Variants in NPHP1 observed in about 807,000 individuals in gnomAD.
NPHP1 encodes the protein nephrocystin 1, also known as nephrocystin-1.
A neutral mutation model predicts 90.4 loss-of-function variants in NPHP1; 70 were observed. The observed-to-expected ratio is 0.77, with a 90% CI of 0.64 to 0.95. NPHP1 has a LOEUF of 0.95. NPHP1 is among the 40% of genes least tolerant of loss of function. The pLI is 0.00. For synonymous variants in NPHP1, 256 were observed against 271.7 expected (o/e 0.94, Z 0.57); for missense variants, 764 against 795.9 (o/e 0.96, Z 0.48).
Position 110,193,303 on chromosome 2 carries a change from T to C in NPHP1, c.143+8118A>G, listed in dbSNP as rs1341655582. Among the ~76,000 whole-genome samples the C allele has an allele frequency of 9.2e-5, 14 of 152,032 alleles. 1 individual carries two copies. Among genetic ancestry groups the C allele is most frequent in the African/African-American group, 3.4e-4 (14 of 41,450 alleles). ...CACACATAGGCTCAAAATAAAGGGA[T>C]GGAGGAAGATCTACCAAGCAAATGG... is the stretch of plus-strand genomic sequence containing the variant. On this transcript the variant is annotated intron_variant, in intron 2 of 19. Transcript: ENST00000445609.
chr2:110,164,449 T>A (rs1470494965), intron 8 of NPHP1: 4 of 787,774 alleles, frequency 5.1e-6, no homozygotes, highest in Non-Finnish European at 6.7e-6. Flanking sequence ...TGTTTCCAAG[T>A]CCTCAAGTGA....
intron 10 of NPHP1, 108 bp downstream of exon 10, chr2:110,161,494 AT>A (rs1271884593): frequency 8.2e-6 from 6 of 727,350 alleles, no homozygotes; most frequent in Admixed American, 2.5e-5. Flanking sequence ...ATCATAAACA[AT>A]TTTTTTGTTT....
chr2:110,125,832 T>C (rs1301649909), intron 18 of NPHP1, 151 bp from the exon 19 acceptor site: 7 of 707,642 alleles, frequency 9.9e-6, no homozygotes, highest in Non-Finnish European at 1.8e-5. Context: ...TAATTAGGAA[T>C]CTATTGCAAA....
At chr2:110,201,638 C>A (rs1685584328) in intron 1 of NPHP1, 144 bp from the exon 2 acceptor site, 1 of 635,528 alleles carries the variant, frequency 1.6e-6, no homozygotes, top group East Asian at 2.7e-5. Context: ...AACCCATATA[C>A]CCGCTACCTA....
At chr2:110,139,483 C>A (rs1321389913) in intron 16 of NPHP1, among the ~76,000 whole-genome samples, 2 of 152,190 alleles carry the variant, frequency 1.3e-5, no homozygotes, top group East Asian at 1.9e-4. Context: ...AAGAAGACTG[C>A]CAAGCCCCGT....
chr2:110,161,557 CA>C, intron 10 of NPHP1, 45 bp downstream of exon 10: 1 of 1,280,000 alleles, frequency 7.8e-7, no homozygotes, highest in South Asian at 1.3e-5. Flanking sequence ...GCAACTATGA[CA>C]AAATCTGGAA....
rs1022612512 is a variant in NPHP1, at chr2:110,194,183, CA to C, written c.143+7237del. 4.6e-5 allele frequency among the ~76,000 whole-genome samples: 7 copies of C among 151,398 alleles called. 1 individual carries two copies. Among genetic ancestry groups the C allele is most frequent in the Admixed American group, 1.3e-4 (2 of 15,198 alleles). On this transcript the variant is annotated intron_variant, in intron 2 of 19. Transcript: ENST00000445609. ...AGAGCAGAACTGAAGGAGATAGAGA[CA>C]AAAAAACCCTTCAAAAAATTAATGA...
At chr2:110,124,178 G>A in intron 19 of NPHP1, 115 bp from the exon 20 acceptor site, 1 of 1,149,142 alleles carries the variant, frequency 8.7e-7, no homozygotes, top group Non-Finnish European at 1.3e-6. Flanking sequence ...ATTAGTGCCT[G>A]GCAGGTATCG....
rs745657805 is a variant in NPHP1, at chr2:110,147,894, C to T, written c.1269+22G>A. ...CCCTTTTAACTGATACATTAGAAAGCCTTATCTTTCAACGGACATACATTG... is the reference window on the plus strand; with the variant it reads ...CCCTTTTAACTGATACATTAGAAAGTCTTATCTTTCAACGGACATACATTG... On this transcript the variant is annotated intron_variant, in intron 13 of 19. Transcript: ENST00000445609. 61 of 1,320,348 alleles carry T rather than the reference C, an allele frequency of 4.6e-5. No homozygotes were observed. Among genetic ancestry groups the T allele is most frequent in the Non-Finnish European group, 6.6e-5 (60 of 911,762 alleles). 81.8% of individuals were successfully genotyped at this position (1,320,348 alleles called of 1,614,324 possible). A position where few individuals can be genotyped will look rare whatever the true frequency, so the allele number is the denominator to read the frequency against.
chr2:110,156,919 G>A (rs959035729), intron 11 of NPHP1, among the ~76,000 whole-genome samples: 9 of 151,924 alleles, frequency 5.9e-5, no homozygotes, highest in Non-Finnish European at 1.5e-5. Context: ...TGGGACTACA[G>A]GCACACGCCA....
intron 2 of NPHP1, among the ~76,000 whole-genome samples, chr2:110,198,799 CTCTCTA>C (rs1384847455): frequency 4.1e-5 from 3 of 72,872 alleles, no homozygotes; most frequent in South Asian, 1.7e-3. Context: ...GGAAGGACCC[CTCTCTA>C]TCTAACAGTA....
chr2:110,202,798 A>T (rs529855443), intron 1 of NPHP1, among the ~76,000 whole-genome samples: 1 of 152,308 alleles, frequency 6.6e-6, no homozygotes, highest in Non-Finnish European at 1.5e-5. Flanking sequence ...CTGACAAGAA[A>T]AGAGTACACA....
At position 110,168,501 on chromosome 2, in the gene NPHP1, GCTATCCA is replaced by G; in HGVS notation, c.568_574del (p.Trp190LeufsTer16). 1 of 1,613,126 alleles carries G rather than the reference GCTATCCA, an allele frequency of 6.2e-7. No homozygotes were observed. On this transcript the variant is annotated frameshift_variant, in exon 6 of 20. Transcript: ENST00000445609. LOFTEE classifies it high-confidence loss of function. The stretch of plus-strand genomic sequence containing the variant: ...ACCTTCATTTCCTTTGGCATCCTTA[GCTATCCA>G]CCAACCATCAGGTTTTTTTTCAATT...
chr2:110,128,600 T>C (rs1679539493), intron 18 of NPHP1: 1 of 154,092 alleles, frequency 6.5e-6, no homozygotes, highest in South Asian at 2.0e-4. Flanking sequence ...TGCTGCCTTC[T>C]TTAAATCTTC....
intron 3 of NPHP1, among the ~76,000 whole-genome samples, chr2:110,179,161 A>T (rs1463353516): frequency 6.6e-6 from 1 of 151,658 alleles, no homozygotes; most frequent in African/African-American, 2.4e-5. Context: ...AAAAAAAAAA[A>T]AAATCCTGAA....
At chr2:110,157,961 T>C (rs1306982583) in intron 11 of NPHP1, among the ~76,000 whole-genome samples, 1 of 152,180 alleles carries the variant, frequency 6.6e-6, no homozygotes, top group African/African-American at 2.4e-5. Flanking sequence ...CTCTAAGCAA[T>C]GCTTTAGCTA....
chr2:110,129,425 C>T (rs1403862196), intron 17 of NPHP1, among the ~76,000 whole-genome samples, 166 bp from the exon 18 acceptor site: 1 of 152,214 alleles, frequency 6.6e-6, no homozygotes, highest in Non-Finnish European at 1.5e-5. Flanking sequence ...TCCCTTCAAC[C>T]TTCATTTGCC....
intron 2 of NPHP1, among the ~76,000 whole-genome samples, chr2:110,195,784 T>C (rs1403932829): frequency 2.6e-5 from 4 of 152,214 alleles, no homozygotes; most frequent in Admixed American, 2.0e-4. Context: ...CAAAACAGCA[T>C]GGTACTGGTA....
intron 12 of NPHP1, 124 bp downstream of exon 12, chr2:110,150,058 C>T: frequency 1.2e-6 from 1 of 841,458 alleles, no homozygotes; most frequent in Non-Finnish European, 2.0e-6. Context: ...TATCAATGTC[C>T]TCAAAGAACA....
Sources: allele counts gnomAD v4.1 joint callset (sites outside exome capture counted in the v4.1 genomes callset), GRCh38; gene constraint gnomAD v4.1.1; transcripts MANE v1.5; gene names NCBI Gene and HGNC (gene_info 2026-07-23, HGNC 2026-07-21).